GRM5: variants seen among roughly 807,000 people sequenced by gnomAD.
GRM5 encodes metabotropic glutamate receptor 5.
GRM5 carries 19 observed loss-of-function variants against 83.1 expected under a neutral mutation model. The ratio of observed to expected loss-of-function variants is 0.23; its 90% CI spans 0.16 to 0.34. The LOEUF (loss-of-function observed/expected upper bound fraction) is 0.34. Ranked by LOEUF, GRM5 falls within the 10% of genes least tolerant of loss-of-function variation. GRM5 has a pLI of 1.00. For synonymous variants in GRM5, 675 were observed against 633.6 expected (o/e 1.07, Z -0.98); for missense variants, 1,160 against 1,588.3 (o/e 0.73, Z 4.58).
intron 1 of GRM5, among the ~76,000 whole-genome samples, chr11:89,064,644 T>A (rs1942059508): frequency 6.6e-6 from 1 of 152,096 alleles, no homozygotes; most frequent in African/African-American, 2.4e-5. Context: ...ATCCTCTACA[T>A]TGTTCAATAG....
At position 88,936,769 on chromosome 11, in the gene GRM5, T is replaced by C. The variant is rs551332667; in HGVS notation, c.662-86614A>G. The stretch of plus-strand genomic sequence containing the variant: ...TTATTCATAAACAAACACCAAGATA[T>C]AAGGGCATTGAAAAAGCCCAATCAC... On this transcript the variant is annotated intron_variant, in intron 2 of 9. Coordinates refer to ENST00000305447, the MANE Select transcript of GRM5 (RefSeq NM_001143831.3). Among the ~76,000 whole-genome samples the C allele has an allele frequency of 5.9e-5, 9 of 151,940 alleles. 1 individual carries two copies. The South Asian group carries it at 1.9e-3, about 31-fold the overall frequency.
intron 2 of GRM5, among the ~76,000 whole-genome samples, chr11:88,913,587 CTTT>C (rs5793358): frequency 3.6e-4 from 31 of 87,314 alleles, no homozygotes; most frequent in East Asian, 6.6e-4. Context: ...CTCTCTCTCT[CTTT>C]TTTTTTTTTT....
At chr11:88,999,264 T>C (rs945833528) in intron 2 of GRM5, among the ~76,000 whole-genome samples, 1 of 152,210 alleles carries the variant, frequency 6.6e-6, no homozygotes, top group East Asian at 1.9e-4. Flanking sequence ...AAAGAGCTTC[T>C]GCACAGCAAA....
intron 2 of GRM5, among the ~76,000 whole-genome samples, chr11:88,947,546 T>C (rs116305688): frequency 0.023 from 3,531 of 151,954 alleles, 121 homozygotes; most frequent in African/African-American, 0.078. Flanking sequence ...TTTTTTTTTT[T>C]CCCTATTATC....
At chr11:88,592,677 G>A (rs760148584) in intron 6 of GRM5, among the ~76,000 whole-genome samples, 4 of 152,076 alleles carry the variant, frequency 2.6e-5, no homozygotes, top group Non-Finnish European at 5.9e-5. Flanking sequence ...AACTTAATAT[G>A]TTTTCCTCTG....
At position 89,047,767 on chromosome 11, in the gene GRM5, T is replaced by C. The variant is rs1299864472; in HGVS notation, c.106A>G (p.Ile36Val). 2 of 1,614,080 alleles carry C rather than the reference T, an allele frequency of 1.2e-6. No individual in the cohort carries two copies. Among genetic ancestry groups the C allele is most frequent in the Admixed American group, 3.3e-5 (2 of 60,010 alleles). Residue 36 changes from isoleucine (I) to valine (V), a missense_variant, in exon 2 of 10, where the codon ATT (isoleucine) becomes GTT (valine). By Grantham distance (29) the Ile-to-Val change is conservative. Around this residue, in one of 9 missense-constraint regions of GRM5, gnomAD observed 71 missense variants for 145.8 expected, o/e 0.49. Transcript: ENST00000305447. The surrounding 1 kb of genome is among the most constrained non-coding windows in gnomAD (Gnocchi z 5.1). ...TGAACAGAAAAGAGAGCTCCAATAA[T>C]GATGTCACCCGGCATGTGAGCCACC... The part of the protein sequence containing the change: ...RVVAHMPGDI[I>V]IGALFSVHHQ...
chr11:88,795,640 C>A (rs1167093843), intron 3 of GRM5, among the ~76,000 whole-genome samples: 1 of 152,032 alleles, frequency 6.6e-6, no homozygotes, highest in Non-Finnish European at 1.5e-5. Context: ...TCATGACAAC[C>A]CTATCAATGA....
chr11:88,739,861 C>T (rs1278748204), intron 3 of GRM5, among the ~76,000 whole-genome samples: 2 of 152,008 alleles, frequency 1.3e-5, no homozygotes, highest in Non-Finnish European at 2.9e-5. Flanking sequence ...TGAGAATGGG[C>T]TAATACACTG....
chr11:88,945,008 G>A (rs1456399205), intron 2 of GRM5, among the ~76,000 whole-genome samples: 1 of 151,880 alleles, frequency 6.6e-6, no homozygotes, highest in Non-Finnish European at 1.5e-5. Flanking sequence ...AATAACTTCA[G>A]TAAAGTTTCA....
chr11:88,752,532 G>A (rs1783654051), intron 3 of GRM5, among the ~76,000 whole-genome samples: 1 of 152,176 alleles, frequency 6.6e-6, no homozygotes, highest in South Asian at 2.1e-4. Flanking sequence ...ACTGCCCAAA[G>A]TAATTTATGG....
At chr11:88,918,547 T>C (rs1425183946) in intron 2 of GRM5, among the ~76,000 whole-genome samples, 2 of 152,010 alleles carry the variant, frequency 1.3e-5, no homozygotes, top group African/African-American at 4.8e-5. Context: ...TAAGAAATCA[T>C]TTGAAAGTAC....
At chr11:88,744,414 G>C (rs948683676) in intron 3 of GRM5, among the ~76,000 whole-genome samples, 1 of 152,088 alleles carries the variant, frequency 6.6e-6, no homozygotes, top group South Asian at 2.1e-4. Context: ...AGGCTAGTGG[G>C]GACTTCAGAA....
intron 5 of GRM5, among the ~76,000 whole-genome samples, chr11:88,602,071 AT>A (rs58865828): frequency 6.6e-6 from 1 of 151,260 alleles, no homozygotes; most frequent in South Asian, 2.1e-4. Context: ...GAGCTCTGAA[AT>A]TTTTTTTTCT....
intron 9 of GRM5, among the ~76,000 whole-genome samples, chr11:88,524,385 T>C (rs889351881): frequency 6.6e-6 from 1 of 152,084 alleles, no homozygotes; most frequent in African/African-American, 2.4e-5. Flanking sequence ...GCCCGGCTAA[T>C]TTTTGTGTTT....
intron 3 of GRM5, among the ~76,000 whole-genome samples, chr11:88,775,938 T>C (rs1254682924): frequency 6.6e-6 from 1 of 152,220 alleles, no homozygotes; most frequent in African/African-American, 2.4e-5. Flanking sequence ...TAGAGAGTTC[T>C]GTAGATGTCT....
intron 3 of GRM5, among the ~76,000 whole-genome samples, chr11:88,721,066 C>A (rs1449925632): frequency 6.6e-6 from 1 of 151,956 alleles, no homozygotes; most frequent in Non-Finnish European, 1.5e-5. Flanking sequence ...CTTTAACCTT[C>A]CTGAAATTTA....
intron 1 of GRM5, among the ~76,000 whole-genome samples, chr11:89,050,359 A>G (rs1160663568): frequency 6.6e-6 from 1 of 152,212 alleles, no homozygotes; most frequent in Non-Finnish European, 1.5e-5. Flanking sequence ...TGGTATGTAT[A>G]TGCTATAATT....
chr11:88,929,173 T>C (rs925121874), intron 2 of GRM5, among the ~76,000 whole-genome samples: 3 of 152,106 alleles, frequency 2.0e-5, no homozygotes, highest in Non-Finnish European at 2.9e-5. Context: ...TCCTTGGTTC[T>C]GGCTTATTGG....
At chr11:88,985,163 G>A (rs778512785) in intron 2 of GRM5, among the ~76,000 whole-genome samples, 4 of 151,990 alleles carry the variant, frequency 2.6e-5, no homozygotes, top group Non-Finnish European at 4.4e-5. Context: ...TTTGGTTGCA[G>A]TATCATCATT....
Sources: allele counts gnomAD v4.1 joint callset (sites outside exome capture counted in the v4.1 genomes callset), GRCh38; gene constraint gnomAD v4.1.1; regional missense constraint gnomAD v4.1.1; non-coding constraint Gnocchi (gnomAD v3.1); transcripts MANE v1.5; gene names NCBI Gene and HGNC (gene_info 2026-07-23, HGNC 2026-07-21).